The following PRKCB variants were observed in gnomAD, a reference collection of about 807,000 sequenced individuals.
PRKCB encodes the protein protein kinase C beta.
PRKCB carries 13 observed loss-of-function variants against 81.5 expected under a neutral mutation model. That is an observed-to-expected ratio of 0.16 (90% CI 0.10 to 0.25). The LOEUF is 0.25. Ranked by LOEUF, PRKCB falls within the 10% of genes least tolerant of loss-of-function variation. The pLI, the probability that PRKCB is intolerant of heterozygous loss-of-function variation, is 1.00. For missense variants in PRKCB, 509 were observed against 875.7 expected (o/e 0.58, Z 5.29); for synonymous variants, 335 against 321.4 (o/e 1.04, Z -0.45).
intron 5 of PRKCB, among the ~76,000 whole-genome samples, chr16:24,087,899 G>A (rs1966328690): frequency 6.6e-6 from 1 of 152,168 alleles, no homozygotes; most frequent in African/African-American, 2.4e-5. Flanking sequence ...AGAGCCCCAT[G>A]CCCACGGCAA....
intron 5 of PRKCB, among the ~76,000 whole-genome samples, chr16:24,091,448 T>C (rs1966376667): frequency 6.6e-6 from 1 of 152,194 alleles, no homozygotes; most frequent in African/African-American, 2.4e-5. Context: ...GCTGTGCAAT[T>C]CTCATTTTCT....
rs145309658 is a variant in PRKCB at position 24,217,302 on chromosome 16, A to G, written c.*2486A>G. The G allele has an allele frequency of 9.1e-6, 9 of 985,468 alleles. No homozygotes were observed. The highest frequency in any genetic ancestry group is 5.2e-5 in the African/African-American group (3 of 57,372). The allele number at this position is 985,468 out of a possible 1,614,324, so 61.0% of individuals were successfully genotyped here. A position where few individuals can be genotyped will look rare whatever the true frequency, so the allele number is the denominator to read the frequency against. On this transcript the variant is annotated 3_prime_UTR_variant, in exon 17 of 17. Transcript: ENST00000643927. ...AAAGTCTGTTTTAGAGAAACTTTCC[A>G]TGGAAAGTCAGAATTTCTACCACTT...
At chr16:23,911,736 C>T (rs1963656719) in intron 2 of PRKCB, among the ~76,000 whole-genome samples, 1 of 151,940 alleles carries the variant, frequency 6.6e-6, no homozygotes, top group Admixed American at 6.6e-5. Context: ...AGCCTCAGTG[C>T]AGCCACGCTG....
Position 24,150,841 on chromosome 16 carries a change from T to G in PRKCB, c.1066-3843T>G, listed in dbSNP as rs188178530. Among the ~76,000 whole-genome samples the G allele has an allele frequency of 5.2e-3, 796 of 152,326 alleles. 4 individuals are homozygous for G. Among genetic ancestry groups the G allele is most frequent in the Middle Eastern group, 0.01 (3 of 294 alleles). ...TCCTGACTCCTGCTCTAGAATTCAG[T>G]TCGCTTCTATGTCTAAATTTTTGCT... On this transcript the variant is annotated intron_variant, in intron 9 of 16. Transcript: ENST00000643927.
At chr16:23,879,482 CTTTTT>C (rs546638229) in intron 2 of PRKCB, among the ~76,000 whole-genome samples, 32 of 83,184 alleles carry the variant, frequency 3.8e-4, no homozygotes, top group African/African-American at 1.6e-3. Flanking sequence ...TTTAGCTATC[CTTTTT>C]TTTTTTTTTT....
At chr16:24,028,117 CTT>C (rs1965505145) in intron 3 of PRKCB, among the ~76,000 whole-genome samples, 1 of 152,058 alleles carries the variant, frequency 6.6e-6, no homozygotes, top group Admixed American at 6.6e-5. Context: ...GAGATGGAGT[CTT>C]GCTCTGTCGC....
At chr16:23,995,332 T>G (rs150141787) in intron 3 of PRKCB, among the ~76,000 whole-genome samples, 237 of 152,338 alleles carry the variant, frequency 1.6e-3, no homozygotes, top group African/African-American at 5.5e-3. Context: ...CTGTGCAAGC[T>G]GCTTTGCCAC....
At chr16:24,083,172 T>C (rs1018299442) in intron 5 of PRKCB, among the ~76,000 whole-genome samples, 10 of 152,144 alleles carry the variant, frequency 6.6e-5, no homozygotes, top group African/African-American at 2.4e-4. Context: ...ATAATGATGA[T>C]AATGATAATA....
intron 3 of PRKCB, among the ~76,000 whole-genome samples, chr16:23,999,308 T>C (rs749090766): frequency 1.3e-5 from 2 of 152,248 alleles, no homozygotes; most frequent in Non-Finnish European, 1.5e-5. Flanking sequence ...ATAAAGGATG[T>C]GCTTGGTTGC....
chr16:24,149,999 A>G (rs533481625), intron 9 of PRKCB, among the ~76,000 whole-genome samples: 3 of 152,274 alleles, frequency 2.0e-5, no homozygotes, highest in Non-Finnish European at 4.4e-5. Context: ...TGCCTCAAAC[A>G]TCTATTTTAT....
In PRKCB at chr16:24,080,725, C is replaced by T. The variant is rs528897830; in HGVS notation, c.530-12066C>T. On this transcript the variant is annotated intron_variant, in intron 5 of 16. Transcript: ENST00000643927. ...ATACGGAAACTAACAAACAAACTTC[C>T]GAATAATCCATGGTTTAGTTCAAAG... Among the ~76,000 whole-genome samples, 8 of 151,798 alleles carry T rather than the reference C, an allele frequency of 5.3e-5. No individual in the cohort carries two copies. The South Asian group carries it at 6.3e-4, about 12-fold the overall frequency.
chr16:24,028,816 T>TC (rs1213888523), intron 3 of PRKCB, among the ~76,000 whole-genome samples: 7 of 151,904 alleles, frequency 4.6e-5, no homozygotes, highest in African/African-American at 1.2e-4. Flanking sequence ...TTTTTTTTTT[T>TC]CCCCTTCTCT....
chr16:24,009,708 T>C (rs1291754919), intron 3 of PRKCB, among the ~76,000 whole-genome samples: 1 of 152,038 alleles, frequency 6.6e-6, no homozygotes, highest in African/African-American at 2.4e-5. Flanking sequence ...TTGCCTGCTT[T>C]TGAGCACTTA....
chr16:23,882,750 CTTTTTT>C (rs61020074), intron 2 of PRKCB, among the ~76,000 whole-genome samples: 1 of 105,198 alleles, frequency 9.5e-6, no homozygotes. Flanking sequence ...ATACAAATAT[CTTTTTT>C]TTTTTTTTTT....
chr16:23,959,548 C>G (rs1016836553), intron 2 of PRKCB, among the ~76,000 whole-genome samples: 1 of 152,206 alleles, frequency 6.6e-6, no homozygotes, highest in Non-Finnish European at 1.5e-5. Flanking sequence ...CGCAGGAAAG[C>G]CTTCTTGCTA....
chr16:24,044,914 A>G (rs913861089), intron 5 of PRKCB, among the ~76,000 whole-genome samples: 4 of 152,184 alleles, frequency 2.6e-5, no homozygotes, highest in African/African-American at 9.7e-5. Flanking sequence ...GACACCTCCT[A>G]TGTGTGAAGT....
At chr16:23,888,102 T>C (rs1368316475) in intron 2 of PRKCB, among the ~76,000 whole-genome samples, 1 of 152,202 alleles carries the variant, frequency 6.6e-6, no homozygotes, top group Non-Finnish European at 1.5e-5. Flanking sequence ...CCTTCTTTGT[T>C]TTCCCAGCTT....
At chr16:24,166,281 C>A (rs564354155) in intron 10 of PRKCB, among the ~76,000 whole-genome samples, 1 of 151,778 alleles carries the variant, frequency 6.6e-6, no homozygotes, top group African/African-American at 2.4e-5. Context: ...GTTTTTTTAA[C>A]GGAGTTAATA....
chr16:24,062,942 T>C (rs773086577), intron 5 of PRKCB, among the ~76,000 whole-genome samples: 81 of 151,952 alleles, frequency 5.3e-4, no homozygotes, highest in African/African-American at 1.8e-3. Flanking sequence ...TAGTTTCTGA[T>C]TGAGTTCAAG....
Sources: allele counts gnomAD v4.1 joint callset (sites outside exome capture counted in the v4.1 genomes callset), GRCh38; gene constraint gnomAD v4.1.1; transcripts MANE v1.5; gene names NCBI Gene and HGNC (gene_info 2026-07-23, HGNC 2026-07-21).